Variants in WDR17 observed in about 807,000 individuals in gnomAD.
The protein encoded by WDR17 is WD repeat-containing protein 17.
WDR17 carries 143 observed loss-of-function variants against 161.7 expected under a neutral mutation model. That is an observed-to-expected ratio of 0.88 (90% CI 0.77 to 1.02). The LOEUF is 1.02. Ranked by LOEUF, WDR17 falls within the 50% of genes least tolerant of loss-of-function variation. The pLI is 0.00. For synonymous variants in WDR17, 517 were observed against 515.6 expected (o/e 1.00, Z -0.04); for missense variants, 1,469 against 1,520.9 (o/e 0.97, Z 0.57).
intron 22 of WDR17, among the ~76,000 whole-genome samples, chr4:176,167,604 G>A (rs1203781985): frequency 5.3e-5 from 6 of 113,664 alleles, no homozygotes; most frequent in East Asian, 3.1e-4. Flanking sequence ...CCGAGATTGC[G>A]CCACTGCACT....
At chr4:176,152,078 G>A (rs531814522) in intron 17 of WDR17, 111 bp downstream of exon 17, 6 of 1,078,614 alleles carry the variant, frequency 5.6e-6, no homozygotes, top group East Asian at 2.9e-5. Flanking sequence ...TGGAGGCCAA[G>A]GTGGGTGGAT....
chr4:176,104,759 G>A (rs1212614842), intron 1 of WDR17, among the ~76,000 whole-genome samples: 1 of 151,774 alleles, frequency 6.6e-6, no homozygotes, highest in Non-Finnish European at 1.5e-5. Context: ...AAATGAGAAA[G>A]GAATTCAAAG....
chr4:176,097,659 A>G (rs1040393239), intron 1 of WDR17, among the ~76,000 whole-genome samples: 1 of 151,496 alleles, frequency 6.6e-6, no homozygotes, highest in African/African-American at 2.4e-5. Flanking sequence ...TTTCAATTTC[A>G]GGTATAAATG....
chr4:176,080,320 T>C (rs930107779), intron 1 of WDR17, among the ~76,000 whole-genome samples: 10 of 151,414 alleles, frequency 6.6e-5, no homozygotes, highest in Admixed American at 4.0e-4. Context: ...TATATGGTAT[T>C]TAAATTTCTA....
intron 1 of WDR17, among the ~76,000 whole-genome samples, chr4:176,102,233 A>G (rs982034994): frequency 1.1e-4 from 16 of 152,204 alleles, no homozygotes; most frequent in African/African-American, 3.1e-4. Context: ...AAGAATGTAT[A>G]TTCATGACAA....
chr4:176,065,922 C>T lies in WDR17; in HGVS notation c.-164C>T, dbSNP rs1029918378. The T allele has an allele frequency of 2.0e-5, 3 of 152,158 alleles. No homozygotes were observed. Among genetic ancestry groups the T allele is most frequent in the African/African-American group, 7.2e-5 (3 of 41,528 alleles). 9.4% of individuals were successfully genotyped at this position (152,158 alleles called of 1,614,324 possible). A position where few individuals can be genotyped will look rare whatever the true frequency, so the allele number is the denominator to read the frequency against. ...CTTGCGGAGCACGCTTCCCGCCCCT[C>T]GGAGCCCGCGGGCCCGGCCGCCCCG... On this transcript the variant is annotated 5_prime_UTR_variant, in exon 1 of 29. Transcript: ENST00000508596.
Position 176,171,967 on chromosome 4 carries a change from G to T in WDR17, c.3103-408G>T, listed in dbSNP as rs534032303. 5.9e-5 allele frequency among the ~76,000 whole-genome samples: 9 copies of T among 152,222 alleles called. 1 individual carries two copies. The East Asian group carries it at 9.7e-4, about 16-fold the overall frequency. ...GTTAAATTACAGCGTAGAGGACATGGAATAATGCACACCCTTTATGTTTGG... is the reference window on the plus strand; with the variant it reads ...GTTAAATTACAGCGTAGAGGACATGTAATAATGCACACCCTTTATGTTTGG... On this transcript the variant is annotated intron_variant, in intron 23 of 28. Coordinates refer to ENST00000508596, the MANE Select transcript of WDR17 (RefSeq NM_181265.4).
chr4:176,074,098 G>T (rs1362282953), intron 1 of WDR17, among the ~76,000 whole-genome samples: 3 of 151,734 alleles, frequency 2.0e-5, no homozygotes, highest in Non-Finnish European at 4.4e-5. Context: ...AGAAGCTCTT[G>T]AGTTTAATTA....
chr4:176,108,732 GAATTGTT>G (rs895895467), intron 1 of WDR17, among the ~76,000 whole-genome samples: 1 of 152,164 alleles, frequency 6.6e-6, no homozygotes, highest in African/African-American at 2.4e-5. Context: ...GTTTTTCTAG[GAATTGTT>G]AATTATTAAA....
Position 176,179,458 on chromosome 4 carries a change from A to G in WDR17, c.3733-2A>G, listed in dbSNP as rs776821141. ...TCTCTTTCCTCAACTCTCACTGTGC[A>G]GGGCCCTGTGTTTTTCCTTGAAGAC... On this transcript the variant is annotated splice_acceptor_variant, in intron 28 of 28. Transcript: ENST00000508596. LOFTEE classifies it high-confidence loss of function. 1.3e-6 allele frequency: 2 copies of G among 1,594,072 alleles called. No homozygotes were observed. Among genetic ancestry groups the G allele is most frequent in the South Asian group, 1.1e-5 (1 of 87,600 alleles).
chr4:176,097,021 A>G (rs1034646872), intron 1 of WDR17, among the ~76,000 whole-genome samples: 1 of 151,962 alleles, frequency 6.6e-6, no homozygotes, highest in Non-Finnish European at 1.5e-5. Context: ...GAAGAGTGCC[A>G]TGTTGCATCT....
intron 13 of WDR17, among the ~76,000 whole-genome samples, chr4:176,148,685 A>T (rs1251215044): frequency 6.6e-6 from 1 of 152,168 alleles, no homozygotes; most frequent in Non-Finnish European, 1.5e-5. Flanking sequence ...TTCCATTGAC[A>T]TCACTCCAGA....
chr4:176,132,743 C>T (rs1159743016), intron 7 of WDR17, among the ~76,000 whole-genome samples: 5 of 151,654 alleles, frequency 3.3e-5, no homozygotes, highest in Admixed American at 2.6e-4. Flanking sequence ...TATATAAACT[C>T]TTTCCTAGTG....
At chr4:176,069,385 CAG>C (rs1017088684) in intron 1 of WDR17, among the ~76,000 whole-genome samples, 3 of 151,254 alleles carry the variant, frequency 2.0e-5, no homozygotes, top group Non-Finnish European at 4.4e-5. Context: ...TAGAAATAGA[CAG>C]TAATATAAAT....
chr4:176,116,801 A>G (rs1424583967), intron 3 of WDR17, among the ~76,000 whole-genome samples: 1 of 151,906 alleles, frequency 6.6e-6, no homozygotes, highest in African/African-American at 2.4e-5. Flanking sequence ...TTTTGTTTCC[A>G]TAATAATAGT....
At chr4:176,098,572 C>G (rs964480513) in intron 1 of WDR17, among the ~76,000 whole-genome samples, 1 of 151,776 alleles carries the variant, frequency 6.6e-6, no homozygotes, top group Non-Finnish European at 1.5e-5. Context: ...ATGCTGACTA[C>G]AAAGATAACA....
chr4:176,144,093 G>T (rs957234152), intron 11 of WDR17, among the ~76,000 whole-genome samples: 1 of 151,948 alleles, frequency 6.6e-6, no homozygotes, highest in East Asian at 1.9e-4. Flanking sequence ...TCACCCCAAG[G>T]TTCACTTATA....
intron 6 of WDR17, among the ~76,000 whole-genome samples, chr4:176,129,697 G>C (rs1359074239): frequency 6.6e-6 from 1 of 151,928 alleles, no homozygotes; most frequent in African/African-American, 2.4e-5. Context: ...ATGTTATTTT[G>C]GTGTCTAATT....
At position 176,122,688 on chromosome 4, in the gene WDR17, G is replaced by A. The variant is rs187581759; in HGVS notation, c.539-2416G>A. ...TTGATGACTTACTGGCACCACAGAT[G>A]GTTCTATACCTACGTTACAACATAG... On this transcript the variant is annotated intron_variant, in intron 4 of 28. Coordinates refer to ENST00000508596, the MANE Select transcript of WDR17 (RefSeq NM_181265.4). 2.5e-3 allele frequency among the ~76,000 whole-genome samples: 386 copies of A among 152,238 alleles called. 2 individuals are homozygous for A. The highest frequency in any genetic ancestry group is 4.6e-3 in the Non-Finnish European group (313 of 68,016).
Sources: gnomAD v4.1 joint callset for allele counts (sites outside exome capture counted in the v4.1 genomes callset) on GRCh38, gnomAD v4.1.1 for gene constraint, MANE v1.5 for transcripts, NCBI Gene and HGNC (gene_info 2026-07-23, HGNC 2026-07-21) for gene names.